The following CACNA1C variants were observed in gnomAD, a reference collection of about 807,000 sequenced individuals.
CACNA1C encodes the protein calcium voltage-gated channel subunit alpha1 C.
Under a neutral mutation model 229.0 loss-of-function variants are expected in CACNA1C, and 30 were observed. The observed-to-expected ratio is 0.13, with a 90% confidence interval of 0.10 to 0.18. The LOEUF (loss-of-function observed/expected upper bound fraction) is 0.18. Ranked by LOEUF, CACNA1C falls within the 10% of genes least tolerant of loss-of-function variation. The pLI is 1.00. For missense variants in CACNA1C, 1,658 were observed against 2,845.0 expected (o/e 0.58, Z 9.49); for synonymous variants, 1,114 against 1,132.5 (o/e 0.98, Z 0.33).
chr12:2,480,522 C>T (rs548939393), intron 5 of CACNA1C, among the ~76,000 whole-genome samples: 1 of 152,352 alleles, frequency 6.6e-6, no homozygotes, highest in Admixed American at 6.5e-5. Flanking sequence ...TAGTCACCAC[C>T]GTATTCCCAT....
At chr12:2,599,751 C>T (rs1007493011) in intron 21 of CACNA1C, among the ~76,000 whole-genome samples, 8 of 152,190 alleles carry the variant, frequency 5.3e-5, no homozygotes, top group African/African-American at 1.9e-4. Flanking sequence ...ACAATTAGCA[C>T]TGGGTACCTG....
intron 3 of CACNA1C, among the ~76,000 whole-genome samples, chr12:2,327,888 C>T (rs1315362329): frequency 6.6e-6 from 1 of 152,210 alleles, no homozygotes; most frequent in African/African-American, 2.4e-5. Flanking sequence ...TACCTGAAAA[C>T]TGGACCTCAG....
intron 3 of CACNA1C, among the ~76,000 whole-genome samples, chr12:2,126,137 ATCTCTCTC>A (rs540135991): frequency 3.3e-5 from 5 of 151,046 alleles, no homozygotes; most frequent in Non-Finnish European, 7.4e-5. Context: ...TTTTTAAAAG[ATCTCTCTC>A]TCATTATTTA....
intron 3 of CACNA1C, among the ~76,000 whole-genome samples, chr12:2,129,400 G>C (rs2091488034): frequency 6.6e-6 from 1 of 152,220 alleles, no homozygotes; most frequent in Non-Finnish European, 1.5e-5. Context: ...TGTCTGCTCT[G>C]CGTTTGCCAG....
intron 3 of CACNA1C, among the ~76,000 whole-genome samples, chr12:2,322,376 A>G (rs1446487505): frequency 1.3e-5 from 2 of 152,182 alleles, no homozygotes; most frequent in Non-Finnish European, 1.5e-5. Flanking sequence ...TGCCCAGCAC[A>G]TTGACTCTGG....
chr12:2,230,290 G>A (rs1358167390), intron 3 of CACNA1C, among the ~76,000 whole-genome samples: 1 of 152,198 alleles, frequency 6.6e-6, no homozygotes, highest in South Asian at 2.1e-4. Flanking sequence ...ACGGCGCCGG[G>A]CTGCGGCTGA....
intron 1 of CACNA1C, among the ~76,000 whole-genome samples, chr12:2,089,132 C>G (rs572254624): frequency 1.3e-5 from 2 of 152,016 alleles, no homozygotes; most frequent in East Asian, 3.9e-4. Flanking sequence ...TTCGTGCACA[C>G]GTGGAAGGGT....
rs566713078 is a variant in CACNA1C, at chr12:2,079,279, T to C, written c.49+25668T>C. Among the ~76,000 whole-genome samples, 6 of 152,146 alleles carry C rather than the reference T, an allele frequency of 3.9e-5. No homozygotes were observed. The South Asian group carries it at 1.2e-3, about 32-fold the overall frequency. ...ATGTACCCTAAAACTTAAAATATAATAATAATTAAAAAAAAATAGTTAAGA... is the reference window on the plus strand; with the variant it reads ...ATGTACCCTAAAACTTAAAATATAACAATAATTAAAAAAAAATAGTTAAGA... On this transcript the variant is annotated intron_variant, in intron 1 of 46. Transcript: ENST00000399655.
chr12:2,438,708 G>A (rs139492638), intron 3 of CACNA1C, among the ~76,000 whole-genome samples: 1 of 152,134 alleles, frequency 6.6e-6, no homozygotes, highest in African/African-American at 2.4e-5. Flanking sequence ...GGGCAGAAGG[G>A]AGCCATTGAA....
At chr12:2,298,363 A>G (rs947884154) in intron 3 of CACNA1C, among the ~76,000 whole-genome samples, 1 of 152,118 alleles carries the variant, frequency 6.6e-6, no homozygotes, top group African/African-American at 2.4e-5. Context: ...CAGTGGCACA[A>G]TCTCGGCTCA....
At chr12:2,221,900 G>C (rs2061552394) in intron 3 of CACNA1C, among the ~76,000 whole-genome samples, 1 of 152,168 alleles carries the variant, frequency 6.6e-6, no homozygotes, top group Non-Finnish European at 1.5e-5. Flanking sequence ...GGCACATAAA[G>C]ATGTTCAACT....
intron 16 of CACNA1C, 148 bp downstream of exon 16, chr12:2,584,765 C>T: frequency 1.7e-6 from 1 of 600,752 alleles, no homozygotes; most frequent in Non-Finnish European, 3.0e-6. Flanking sequence ...CTAAGTTGGG[C>T]CTCTCTCCTA....
At chr12:2,473,067 G>A (rs1310037420) in intron 5 of CACNA1C, among the ~76,000 whole-genome samples, 1 of 152,194 alleles carries the variant, frequency 6.6e-6, no homozygotes, top group Non-Finnish European at 1.5e-5. Context: ...TGTCCAGGGT[G>A]GTAATGAGAT....
At chr12:2,130,443 TCCCTCCC>T (rs1364804758) in intron 3 of CACNA1C, among the ~76,000 whole-genome samples, 2 of 107,090 alleles carry the variant, frequency 1.9e-5, no homozygotes, top group Non-Finnish European at 3.7e-5. Context: ...CCCAATGCTA[TCCCTCCC>T]CCCTCCCCCC....
intron 21 of CACNA1C, among the ~76,000 whole-genome samples, chr12:2,598,710 C>T (rs2153383232): frequency 6.6e-6 from 1 of 152,354 alleles, no homozygotes; most frequent in South Asian, 2.1e-4. Flanking sequence ...CTCATCATGG[C>T]CCAGCCTGTT....
chr12:2,550,796 T>A, intron 10 of CACNA1C: 1 of 663,940 alleles, frequency 1.5e-6, no homozygotes. Context: ...TGGAAGAGTC[T>A]AAACACAGCA....
At position 2,486,174 on chromosome 12, in the gene CACNA1C, G is replaced by A. The variant is rs540934161; in HGVS notation, c.828G>A (p.Leu276=). 1.1e-4 allele frequency: 171 copies of A among 1,613,740 alleles called. No homozygotes were observed. The highest frequency in any genetic ancestry group is 1.3e-4 in the Non-Finnish European group (157 of 1,179,812). Residue 276 remains leucine (L), a synonymous_variant, in exon 6 of 47, where the codon CTG becomes CTA. Transcript: ENST00000399655. This position sits in a 1 kb window ranked among gnomAD's most constrained non-coding sequence, Gnocchi z 4.9. ...VPLLHIALLV[L]FVIIIYAIIG... ...TGCTGCACATCGCCCTGCTTGTGCTGTTTGTCATCATCATCTACGCCATCA... is the reference window on the plus strand; with the variant it reads ...TGCTGCACATCGCCCTGCTTGTGCTATTTGTCATCATCATCTACGCCATCA...
At chr12:2,290,190 G>A (rs993172750) in intron 3 of CACNA1C, among the ~76,000 whole-genome samples, 4 of 152,214 alleles carry the variant, frequency 2.6e-5, no homozygotes, top group African/African-American at 7.2e-5. Context: ...TGGTAAGCAT[G>A]GACAGGTGGA....
At chr12:2,457,794 G>A (rs994708517) in intron 5 of CACNA1C, 88 bp downstream of exon 5, 2 of 1,184,454 alleles carry the variant, frequency 1.7e-6, no homozygotes, top group African/African-American at 1.6e-5. Flanking sequence ...CTCTGCAAAG[G>A]GACCTGATTC....
Sources: gnomAD v4.1 joint callset for allele counts (sites outside exome capture counted in the v4.1 genomes callset) on GRCh38, gnomAD v4.1.1 for gene constraint, Gnocchi (gnomAD v3.1) non-coding constraint, MANE v1.5 for transcripts, NCBI Gene and HGNC (gene_info 2026-07-23, HGNC 2026-07-21) for gene names.